The following UTRN variants were observed in gnomAD, a reference collection of about 807,000 sequenced individuals.
The protein encoded by UTRN is dystrophin-related protein 1.
UTRN carries 283 observed loss-of-function variants against 463.9 expected under a neutral mutation model. The observed-to-expected ratio is 0.61, with a 90% CI of 0.55 to 0.67. UTRN has a LOEUF of 0.67. UTRN is among the 30% of genes least tolerant of loss of function. The pLI is 0.00. For missense variants in UTRN, 3,922 were observed against 4,084.3 expected (o/e 0.96, Z 1.08); for synonymous variants, 1,442 against 1,431.5 (o/e 1.01, Z -0.17).
chr6:144,554,119 T>A (rs6941915), intron 48 of UTRN, among the ~76,000 whole-genome samples: 64,094 of 151,994 alleles, frequency 0.42, 13,999 homozygotes, highest in South Asian at 0.54. Flanking sequence ...GGTGCACAGT[T>A]CATGAGTCTC....
chr6:144,291,642 C>G (rs988290887), intron 1 of UTRN, 95 bp from the exon 2 acceptor site: 2 of 432,410 alleles, frequency 4.6e-6, no homozygotes, highest in African/African-American at 4.1e-5. Context: ...GGTAGGCACT[C>G]AATAAATATT....
chr6:144,530,732 G>GTGTGAGTGTGTT (rs1472475573), intron 41 of UTRN, among the ~76,000 whole-genome samples: 1 of 152,090 alleles, frequency 6.6e-6, no homozygotes, highest in Non-Finnish European at 1.5e-5. Context: ...TCGAGTGTGT[G>GTGTGAGTGTGTT]TGTGAGTGTG....
Position 144,464,134 on chromosome 6 carries a change from T to G in UTRN, c.3066+1268T>G, listed in dbSNP as rs1197213365. Among the ~76,000 whole-genome samples the G allele has an allele frequency of 1.3e-5, 2 of 152,232 alleles. 1 individual carries two copies. The highest frequency in any genetic ancestry group is 3.9e-4 in the East Asian group (2 of 5,180). ...TATTGCCCCCAAAAAGTGAAAAGAT[T>G]GAAAGCGAAGACAAAAATTAATGAA... On this transcript the variant is annotated intron_variant, in intron 23 of 74. Transcript: ENST00000367545.
At position 144,458,834 on chromosome 6, in the gene UTRN, A is replaced by G; in HGVS notation, c.2349A>G (p.Val783=). 1 of 1,613,288 alleles carries G rather than the reference A, an allele frequency of 6.2e-7. No individual in the cohort carries two copies. Among genetic ancestry groups the G allele is most frequent in the Non-Finnish European group, 8.5e-7 (1 of 1,179,838 alleles). Residue 783 remains valine, a synonymous_variant, in exon 20 of 75, where the codon GTA becomes GTG. Transcript: ENST00000367545. ...LEKVSSEWKN[V]SQHLEDLERK... is the part of the protein sequence containing the mutation. ...AGGTTTCATCAGAATGGAAGAATGT[A>G]TCTCAACATTTGGAAGATCTAGAAA...
intron 1 of UTRN, among the ~76,000 whole-genome samples, chr6:144,287,549 G>T (rs1012154728): frequency 6.6e-6 from 1 of 151,832 alleles, no homozygotes; most frequent in African/African-American, 2.4e-5. Context: ...CACACTGTTG[G>T]ATATATATGT....
At chr6:144,769,762 C>T (rs971018502) in intron 58 of UTRN, among the ~76,000 whole-genome samples, 1 of 152,084 alleles carries the variant, frequency 6.6e-6, no homozygotes, top group South Asian at 2.1e-4. Context: ...GTACTGTTGT[C>T]GTGGGGATTG....
At chr6:144,544,926 A>G (rs541096938) in intron 46 of UTRN, among the ~76,000 whole-genome samples, 3 of 152,144 alleles carry the variant, frequency 2.0e-5, no homozygotes, top group South Asian at 4.1e-4. Flanking sequence ...TACCTTTTGA[A>G]GCATGTAGCT....
At chr6:144,822,251 C>A (rs1275334264) in intron 66 of UTRN, among the ~76,000 whole-genome samples, 2 of 152,078 alleles carry the variant, frequency 1.3e-5, no homozygotes, top group East Asian at 3.9e-4. Context: ...AATTTATGTA[C>A]CAGTTTATCT....
chr6:144,477,256 A>G (rs1791316899), intron 25 of UTRN, among the ~76,000 whole-genome samples: 1 of 152,236 alleles, frequency 6.6e-6, no homozygotes, highest in South Asian at 2.1e-4. Flanking sequence ...AGTGAAAAAT[A>G]GAAGTCAATA....
intron 2 of UTRN, among the ~76,000 whole-genome samples, chr6:144,372,113 G>T (rs771585936): frequency 6.6e-6 from 1 of 152,238 alleles, no homozygotes; most frequent in African/African-American, 2.4e-5. Flanking sequence ...GTTAAGAAGG[G>T]CCTTCTGGTA....
intron 19 of UTRN, among the ~76,000 whole-genome samples, chr6:144,454,478 T>C (rs766411311): frequency 4.6e-5 from 7 of 152,138 alleles, no homozygotes; most frequent in Non-Finnish European, 2.9e-5. Flanking sequence ...TAGAGAAATG[T>C]TGAAAGACAT....
At position 144,442,192 on chromosome 6, in the gene UTRN, A is replaced by G. The variant is rs138741850; in HGVS notation, c.1512+1721A>G. Among the ~76,000 whole-genome samples the G allele has an allele frequency of 1.7e-3, 257 of 152,210 alleles. 4 individuals carry two copies. In the East Asian group the frequency reaches 0.038, roughly 23 times the overall value. On this transcript the variant is annotated intron_variant, in intron 13 of 74. Transcript: ENST00000367545. ...AAAATGAGATTTTCTTTTCTATTGC[A>G]TTGTCAGGCTGCAAATTTCTCAAAC... is the stretch of plus-strand genomic sequence containing the variant.
chr6:144,429,753 A>G lies in UTRN; in HGVS notation c.855+12A>G. The G allele has an allele frequency of 4.4e-6, 7 of 1,601,340 alleles. No homozygotes were observed. The highest frequency in any genetic ancestry group is 6.0e-6 in the Non-Finnish European group (7 of 1,176,454). On this transcript the variant is annotated intron_variant, in intron 9 of 74. Coordinates refer to ENST00000367545, the MANE Select transcript of UTRN (RefSeq NM_007124.3). ...CAATTAATATACAGGTACAGGTAAC[A>G]TTTTATTAAGATGTTTGGCTTGCCG...
intron 41 of UTRN, among the ~76,000 whole-genome samples, chr6:144,526,517 G>A (rs1796581704): frequency 6.6e-6 from 1 of 152,012 alleles, no homozygotes; most frequent in South Asian, 2.1e-4. Context: ...TGCTTTTGGT[G>A]TCCATTTGGA....
intron 53 of UTRN, among the ~76,000 whole-genome samples, chr6:144,721,287 C>A (rs953528406): frequency 1.3e-5 from 2 of 152,206 alleles, no homozygotes; most frequent in African/African-American, 4.8e-5. Flanking sequence ...TCATAGCTCA[C>A]TGTAGCCTCA....
chr6:144,788,476 A>T (rs1481966380), intron 61 of UTRN, among the ~76,000 whole-genome samples: 4 of 151,850 alleles, frequency 2.6e-5, no homozygotes, highest in Non-Finnish European at 5.9e-5. Flanking sequence ...TTCTTCCTGT[A>T]TGAAGTCATA....
At chr6:144,392,279 A>G (rs866255674) in intron 2 of UTRN, among the ~76,000 whole-genome samples, 3 of 152,206 alleles carry the variant, frequency 2.0e-5, no homozygotes, top group Non-Finnish European at 2.9e-5. Flanking sequence ...TTATTAGACA[A>G]TGTTGTCTTA....
At chr6:144,544,770 C>T (rs187317907) in intron 46 of UTRN, among the ~76,000 whole-genome samples, 287 of 152,204 alleles carry the variant, frequency 1.9e-3, no homozygotes, top group Middle Eastern at 6.8e-3. Context: ...TACCCATATA[C>T]TTTACACACT....
At chr6:144,408,897 T>C (rs1470425902) in intron 3 of UTRN, among the ~76,000 whole-genome samples, 1 of 152,230 alleles carries the variant, frequency 6.6e-6, no homozygotes, top group East Asian at 1.9e-4. Context: ...GTAAAGAGGC[T>C]GACAGGCTTC....
Sources: allele counts gnomAD v4.1 joint callset (sites outside exome capture counted in the v4.1 genomes callset), GRCh38; gene constraint gnomAD v4.1.1; transcripts MANE v1.5; gene names NCBI Gene and HGNC (gene_info 2026-07-23, HGNC 2026-07-21).